The following KIF16B variants were observed in gnomAD, a reference collection of about 807,000 sequenced individuals.
KIF16B encodes kinesin family member 16B.
Under a neutral mutation model 156.3 loss-of-function variants are expected in KIF16B, and 98 were observed. The observed-to-expected ratio is 0.63, with a 90% CI of 0.53 to 0.74. The LOEUF (loss-of-function observed/expected upper bound fraction) is 0.74. Among genes scored for constraint, KIF16B ranks in the 30% least tolerant of loss-of-function variants. The pLI, the probability that KIF16B is intolerant of heterozygous loss-of-function variation, is 0.00. For synonymous variants in KIF16B, 564 were observed against 583.7 expected (o/e 0.97, Z 0.49); for missense variants, 1,421 against 1,606.5 (o/e 0.88, Z 1.97).
At chr20:16,533,258 T>C (rs1458388882) in intron 1 of KIF16B, among the ~76,000 whole-genome samples, 1 of 152,040 alleles carries the variant, frequency 6.6e-6, no homozygotes, top group African/African-American at 2.4e-5. Context: ...CCCCAAAAGA[T>C]AGGAATCCCT....
At chr20:16,356,515 C>T in intron 22 of KIF16B, 63 bp from the exon 23 acceptor site, 1 of 1,589,722 alleles carries the variant, frequency 6.3e-7, no homozygotes, top group South Asian at 1.1e-5. Flanking sequence ...CTGCAAATAT[C>T]CTGCTCGGGT....
intron 12 of KIF16B, among the ~76,000 whole-genome samples, chr20:16,493,915 T>A (rs1400863352): frequency 6.6e-6 from 1 of 152,164 alleles, no homozygotes; most frequent in Non-Finnish European, 1.5e-5. Context: ...CGGGAAATAT[T>A]TTTTTCATTT....
intron 12 of KIF16B, among the ~76,000 whole-genome samples, chr20:16,441,266 G>C (rs1220575443): frequency 6.6e-6 from 1 of 152,148 alleles, no homozygotes; most frequent in African/African-American, 2.4e-5. Context: ...GCCCGTTCTT[G>C]TTTCTCACCC....
intron 25 of KIF16B, among the ~76,000 whole-genome samples, chr20:16,280,817 T>A (rs1246175320): frequency 1.4e-5 from 2 of 139,448 alleles, no homozygotes; most frequent in Non-Finnish European, 3.1e-5. Flanking sequence ...TTTCCCTGAA[T>A]TTCAGTCAAC....
At chr20:16,334,227 T>C (rs2063997090) in intron 24 of KIF16B, among the ~76,000 whole-genome samples, 2 of 152,180 alleles carry the variant, frequency 1.3e-5, no homozygotes, top group Admixed American at 1.3e-4. Flanking sequence ...ATTCAGTGAG[T>C]TTAATTAAAT....
intron 12 of KIF16B, among the ~76,000 whole-genome samples, chr20:16,484,076 C>G (rs1430200493): frequency 2.0e-5 from 3 of 152,172 alleles, no homozygotes; most frequent in Non-Finnish European, 4.4e-5. Context: ...AGCGCACATG[C>G]CTCGCCGCAA....
At chr20:16,381,469 A>G (rs2065092899) in intron 18 of KIF16B, among the ~76,000 whole-genome samples, 1 of 152,038 alleles carries the variant, frequency 6.6e-6, no homozygotes. Context: ...CCCATTTCTC[A>G]TAAATATTTG....
In KIF16B at chr20:16,428,610, G is replaced by C. The variant is rs150193631; in HGVS notation, c.1474+343C>G. ...CTACATCTTTTATCTGTGTCTGTTGGTATATTTCCATCAATCATTGTTCCA... is the reference window on the plus strand; with the variant it reads ...CTACATCTTTTATCTGTGTCTGTTGCTATATTTCCATCAATCATTGTTCCA... On this transcript the variant is annotated intron_variant, in intron 14 of 25. Transcript: ENST00000354981. Among the ~76,000 whole-genome samples the C allele has an allele frequency of 5.3e-3, 805 of 152,138 alleles. 9 individuals are homozygous for C. The highest frequency in any genetic ancestry group is 9.1e-3 in the Non-Finnish European group (616 of 68,004).
At chr20:16,368,949 G>A in intron 22 of KIF16B, 1 of 985,842 alleles carries the variant, frequency 1.0e-6, no homozygotes, top group Non-Finnish European at 1.2e-6. Flanking sequence ...CATCATCGGT[G>A]TTACTTTCGT....
intron 10 of KIF16B, among the ~76,000 whole-genome samples, 181 bp from the exon 11 acceptor site, chr20:16,497,859 C>T (rs923051335): frequency 6.6e-5 from 10 of 152,168 alleles, no homozygotes; most frequent in African/African-American, 2.2e-4. Context: ...ATACATCTCT[C>T]ATAATATTCA....
At chr20:16,405,694 G>C (rs1396148539) in intron 16 of KIF16B, among the ~76,000 whole-genome samples, 2 of 152,118 alleles carry the variant, frequency 1.3e-5, no homozygotes, top group African/African-American at 4.8e-5. Flanking sequence ...CTTGACCTGG[G>C]GGTGATAGCA....
chr20:16,304,369 C>T lies in KIF16B; in HGVS notation c.3795+7966G>A, dbSNP rs369311618. ...AAATGATTTGACAGGCAATTAGCCT[C>T]AGGATTGCAGCATCTTCAGCTTCTC... On this transcript the variant is annotated intron_variant, in intron 25 of 25. Transcript: ENST00000354981. Among the ~76,000 whole-genome samples, 15 of 152,276 alleles carry T rather than the reference C, an allele frequency of 9.9e-5. No individual in the cohort carries two copies. The East Asian group carries it at 1.7e-3, about 18-fold the overall frequency.
intron 1 of KIF16B, among the ~76,000 whole-genome samples, chr20:16,545,844 A>T (rs2070384718): frequency 6.6e-6 from 1 of 151,850 alleles, no homozygotes; most frequent in Non-Finnish European, 1.5e-5. Flanking sequence ...CATCCACATC[A>T]CTATAACCCT....
intron 10 of KIF16B, among the ~76,000 whole-genome samples, chr20:16,503,648 T>C (rs936624743): frequency 6.6e-6 from 1 of 152,204 alleles, no homozygotes; most frequent in Admixed American, 6.5e-5. Flanking sequence ...ACTTCAACAT[T>C]TAAAAAAGCT....
chr20:16,393,445 C>T (rs545996865), intron 17 of KIF16B, among the ~76,000 whole-genome samples: 4 of 152,266 alleles, frequency 2.6e-5, no homozygotes, highest in South Asian at 2.1e-4. Context: ...TCATGAGATA[C>T]GGGAGTTGCT....
intron 12 of KIF16B, among the ~76,000 whole-genome samples, chr20:16,478,735 T>G (rs542510078): frequency 1.3e-5 from 2 of 152,188 alleles, no homozygotes. Flanking sequence ...ATGATGCAGG[T>G]ATATTGTTAT....
At chr20:16,326,361 G>C (rs1368761518) in intron 24 of KIF16B, among the ~76,000 whole-genome samples, 6 of 150,796 alleles carry the variant, frequency 4.0e-5, no homozygotes, top group African/African-American at 1.5e-4. Context: ...AGAATAAACA[G>C]ACAGCCCATA....
At chr20:16,456,096 CCAATACAATACAATA>C (rs56823966) in intron 12 of KIF16B, among the ~76,000 whole-genome samples, 1,510 of 143,404 alleles carry the variant, frequency 0.011, 26 homozygotes, top group African/African-American at 0.03. Context: ...TCTACTGGAG[CCAATACAATACAATA>C]CAATACAATA....
intron 1 of KIF16B, among the ~76,000 whole-genome samples, chr20:16,544,625 A>AAAC (rs2070335996): frequency 6.6e-6 from 1 of 151,294 alleles, no homozygotes; most frequent in Non-Finnish European, 1.5e-5. Context: ...AAAAAAAAAA[A>AAAC]AAAAAACTTC....
Sources: gnomAD v4.1 joint callset for allele counts (sites outside exome capture counted in the v4.1 genomes callset) on GRCh38, gnomAD v4.1.1 for gene constraint, MANE v1.5 for transcripts, NCBI Gene and HGNC (gene_info 2026-07-23, HGNC 2026-07-21) for gene names.